The following EPM2A variants were observed in gnomAD, a reference collection of about 807,000 sequenced individuals.
EPM2A encodes laforin.
In EPM2A, 21 loss-of-function variants were observed where a neutral mutation model predicts 26.5. The observed-to-expected ratio is 0.79, with a 90% CI of 0.56 to 1.14. The LOEUF (loss-of-function observed/expected upper bound fraction) is 1.14. EPM2A is among the 50% of genes most tolerant of loss of function. The pLI, the probability that EPM2A is intolerant of heterozygous loss-of-function variation, is 0.00. For synonymous variants in EPM2A, 217 were observed against 177.6 expected (o/e 1.22, Z -1.76); for missense variants, 458 against 440.8 (o/e 1.04, Z -0.35).
chr6:145,399,827 C>T (rs1441488738), intron 4 of EPM2A, among the ~76,000 whole-genome samples: 4 of 152,126 alleles, frequency 2.6e-5, no homozygotes, highest in Admixed American at 1.3e-4. Context: ...GAACTACAGA[C>T]GCCCTCAATA....
At position 145,687,820 on chromosome 6, in the gene EPM2A, CCT is replaced by C. The variant is rs548244072; in HGVS notation, c.302-1526_302-1525del. On this transcript the variant is annotated intron_variant, in intron 1 of 3. Transcript: ENST00000367519. ...ATTACTGATCTTCCTAGATCAGTCT[CCT>C]CTTTTTTCTCTTAATGGATTTTTTT... Among the ~76,000 whole-genome samples, 66 of 152,258 alleles carry C rather than the reference CCT, an allele frequency of 4.3e-4. 2 individuals are homozygous for C. The South Asian group carries it at 0.013, about 30-fold the overall frequency.
chr6:145,560,910 T>C (rs1780795663), intron 2 of EPM2A, among the ~76,000 whole-genome samples: 1 of 152,254 alleles, frequency 6.6e-6, no homozygotes, highest in Non-Finnish European at 1.5e-5. Flanking sequence ...TATCATTGTG[T>C]GTTGATTTTA....
intron 4 of EPM2A, among the ~76,000 whole-genome samples, chr6:145,448,329 A>C (rs538825227): frequency 1.3e-5 from 2 of 152,256 alleles, no homozygotes; most frequent in South Asian, 2.1e-4. Context: ...AGGAAACCAC[A>C]ATGTAAATCA....
intron 4 of EPM2A, among the ~76,000 whole-genome samples, chr6:145,454,309 T>C (rs562556878): frequency 1.6e-3 from 244 of 152,238 alleles, no homozygotes; most frequent in African/African-American, 5.7e-3. Flanking sequence ...TTTCATGAAA[T>C]CAATAAATTT....
chr6:145,642,684 A>G (rs1330964115), intron 2 of EPM2A, among the ~76,000 whole-genome samples: 1 of 152,220 alleles, frequency 6.6e-6, no homozygotes, highest in East Asian at 1.9e-4. Flanking sequence ...CTCTCTGAAA[A>G]GGTGACATTA....
At chr6:145,521,909 T>C (rs1780206934) in intron 2 of EPM2A, among the ~76,000 whole-genome samples, 1 of 152,226 alleles carries the variant, frequency 6.6e-6, no homozygotes, top group Admixed American at 6.5e-5. Context: ...TCCATGTCTT[T>C]ATATCCTTTC....
intron 3 of EPM2A, among the ~76,000 whole-genome samples, chr6:145,633,004 G>A (rs6570702): frequency 0.067 from 10,272 of 152,244 alleles, 1,149 homozygotes; most frequent in African/African-American, 0.23. Flanking sequence ...TAACAGTTAC[G>A]ACTGTGACCT....
intron 4 of EPM2A, chr6:145,490,465 T>G (rs1013585914): frequency 1.4e-6 from 1 of 725,626 alleles, no homozygotes; most frequent in African/African-American, 1.8e-5. Context: ...TTCACCTGTA[T>G]GTTTTCTAAG....
intron 4 of EPM2A, among the ~76,000 whole-genome samples, chr6:145,464,969 C>T (rs990620099): frequency 1.2e-4 from 18 of 151,978 alleles, no homozygotes; most frequent in African/African-American, 1.9e-4. Flanking sequence ...TTGCTCTTCC[C>T]GAGGAGTATC....
chr6:145,628,871 A>G (rs1255894720), intron 3 of EPM2A: 1 of 152,298 alleles, frequency 6.6e-6, no homozygotes, highest in Admixed American at 6.5e-5. Flanking sequence ...TTGGTGAAAT[A>G]CAAGTGCCCC....
rs9497374 is a variant in EPM2A at position 145,620,259 on chromosome 6, G to A, written c.340+14986C>T. On this transcript the variant is annotated intron_variant, in intron 2 of 3. Coordinates refer to the EPM2A transcript ENST00000450221. The stretch of plus-strand genomic sequence containing the variant: ...CATTAGATAGATTCTCATAAGGAGC[G>A]TGCAACCTAGATCCCTCGCATGTGC... Among the ~76,000 whole-genome samples, 1,312 of 152,230 alleles carry A rather than the reference G, an allele frequency of 8.6e-3. 21 individuals are homozygous for A. The highest frequency in any genetic ancestry group is 0.03 in the African/African-American group (1,240 of 41,532).
chr6:145,635,736 A>C (rs998072733), intron 2 of EPM2A: 1 of 458,088 alleles, frequency 2.2e-6, no homozygotes, highest in Non-Finnish European at 4.0e-6. Context: ...CAAATCAAGC[A>C]ATATATTAAA....
chr6:145,617,297 GATTAT>G (rs1275692017), intron 2 of EPM2A, among the ~76,000 whole-genome samples: 2 of 152,158 alleles, frequency 1.3e-5, no homozygotes, highest in African/African-American at 4.8e-5. Context: ...CTTCCAGCAT[GATTAT>G]GAGGCCTTCC....
chr6:145,542,460 C>T (rs761796234), intron 2 of EPM2A, among the ~76,000 whole-genome samples: 4 of 152,136 alleles, frequency 2.6e-5, no homozygotes, highest in South Asian at 2.1e-4. Context: ...AGGAAAGGGG[C>T]AGCTTAAAAA....
chr6:145,718,145 G>T (rs111944357), intron 1 of EPM2A, among the ~76,000 whole-genome samples: 10,093 of 152,018 alleles, frequency 0.066, 1,129 homozygotes, highest in African/African-American at 0.23. Flanking sequence ...AACCAAAAAA[G>T]AGCCTGCATT....
downstream of EPM2A, among the ~76,000 whole-genome samples, chr6:145,621,136 C>T (rs973516663): frequency 2.0e-5 from 3 of 152,184 alleles, no homozygotes; most frequent in African/African-American, 7.2e-5. Flanking sequence ...CCATTTTATT[C>T]ACTGTTACAT....
At chr6:145,468,932 A>G (rs528785281) in intron 4 of EPM2A, among the ~76,000 whole-genome samples, 2 of 152,272 alleles carry the variant, frequency 1.3e-5, no homozygotes, top group African/African-American at 4.8e-5. Context: ...AGCTCAAACA[A>G]CTATATAGAA....
At chr6:145,591,368 C>T (rs2077922803) in intron 2 of EPM2A, among the ~76,000 whole-genome samples, 1 of 152,040 alleles carries the variant, frequency 6.6e-6, no homozygotes, top group African/African-American at 2.4e-5. Context: ...AATCATAAAA[C>T]AGGGCTAAAT....
chr6:145,440,638 G>A (rs575112638), intron 4 of EPM2A, among the ~76,000 whole-genome samples: 1 of 152,298 alleles, frequency 6.6e-6, no homozygotes, highest in African/African-American at 2.4e-5. Flanking sequence ...TACAGGCATT[G>A]GTTAAATACA....
Sources: gnomAD v4.1 joint callset for allele counts (sites outside exome capture counted in the v4.1 genomes callset) on GRCh38, gnomAD v4.1.1 for gene constraint, MANE v1.5 for transcripts, NCBI Gene and HGNC (gene_info 2026-07-23, HGNC 2026-07-21) for gene names.